UGT1A9: variants seen among roughly 807,000 people sequenced by gnomAD.
UGT1A9 encodes UDP-glucuronosyltransferase 1A9.
A neutral mutation model predicts 45.0 loss-of-function variants in UGT1A9; 35 were observed. That is an observed-to-expected ratio of 0.78 (90% CI 0.59 to 1.03). The LOEUF (loss-of-function observed/expected upper bound fraction) is 1.03. Ranked by LOEUF, UGT1A9 falls within the 50% of genes least tolerant of loss-of-function variation. The pLI is 0.00. For synonymous variants in UGT1A9, 278 were observed against 250.6 expected, an observed-to-expected ratio of 1.11 and a Z score of -1.03; for missense variants, 687 against 666.6, an observed-to-expected ratio of 1.03 and a Z score of -0.34.
intron 1 of UGT1A9, chr2:233,729,385 G>A (rs1328190991): frequency 1.9e-6 from 3 of 1,613,954 alleles, no homozygotes; most frequent in African/African-American, 1.3e-5. Flanking sequence ...GTGGACCCAG[G>A]ATGAATTTGA....
At chr2:233,697,028 C>T (rs2075370702) in intron 1 of UGT1A9, among the ~76,000 whole-genome samples, 2 of 151,876 alleles carry the variant, frequency 1.3e-5, no homozygotes, top group Non-Finnish European at 2.9e-5. Context: ...GATATGGGCC[C>T]GCAGTTTTCT....
intron 1 of UGT1A9, chr2:233,713,556 A>G: frequency 1.2e-6 from 2 of 1,613,994 alleles, no homozygotes; most frequent in South Asian, 1.1e-5. Context: ...ACAGTGTCCA[A>G]ACCCTTCCTC....
chr2:233,682,021 G>C, intron 1 of UGT1A9: 2 of 1,614,150 alleles, frequency 1.2e-6, no homozygotes, highest in Non-Finnish European at 1.7e-6. Flanking sequence ...CAGGGAAGCT[G>C]CTGGTAGTGC....
Position 233,682,613 on chromosome 2 carries a change from A to G in UGT1A9, c.855+9824A>G, listed in dbSNP as rs2074587182. The stretch of plus-strand genomic sequence containing the variant: ...TTTATTTTGCCCCTATTTTTTCAAA[A>G]ATGTCTTAGAAATAGCCTCTGAAAT... On this transcript the variant is annotated intron_variant, in intron 1 of 4. Transcript: ENST00000354728. 1.2e-6 allele frequency: 2 copies of G among 1,613,888 alleles called. No homozygotes were observed. Among genetic ancestry groups the G allele is most frequent in the African/African-American group, 2.7e-5 (2 of 75,030 alleles).
intron 1 of UGT1A9, chr2:233,692,833 A>T: frequency 6.9e-7 from 1 of 1,445,682 alleles, no homozygotes; most frequent in East Asian, 2.5e-5. Context: ...TGTGATTAAA[A>T]TGGTTAAATA....
chr2:233,717,741 G>A (rs1450778461), intron 1 of UGT1A9: 3 of 456,402 alleles, frequency 6.6e-6, no homozygotes, highest in African/African-American at 6.0e-5. Flanking sequence ...TGAGTGCTCA[G>A]GGTCTCCCCC....
At chr2:233,724,269 CGGCTGGCCGGGCGGGG>C (rs2077201800) in intron 1 of UGT1A9, among the ~76,000 whole-genome samples, 1 of 124,806 alleles carries the variant, frequency 8.0e-6, no homozygotes, top group Non-Finnish European at 1.7e-5. Flanking sequence ...CCGGACGGGG[CGGCTGGCCGGGCGGGG>C]GGCTGACCCC....
At chr2:233,720,954 GC>G (rs1192605512) in intron 1 of UGT1A9, among the ~76,000 whole-genome samples, 1 of 149,064 alleles carries the variant, frequency 6.7e-6, no homozygotes, top group Non-Finnish European at 1.5e-5. Flanking sequence ...CATGTGATCT[GC>G]CCGCCTCGGC....
chr2:233,707,658 T>C (rs988714279), intron 1 of UGT1A9, among the ~76,000 whole-genome samples: 2 of 152,184 alleles, frequency 1.3e-5, no homozygotes, highest in South Asian at 4.1e-4. Context: ...ACCACAATTT[T>C]ATTTATCCAT....
chr2:233,703,154 T>C (rs867081835), intron 1 of UGT1A9, among the ~76,000 whole-genome samples: 24 of 152,318 alleles, frequency 1.6e-4, no homozygotes, highest in African/African-American at 4.8e-4. Context: ...ATTTTGTATT[T>C]CTTCTTGATT....
At chr2:233,712,930 G>A in intron 1 of UGT1A9, 1 of 1,612,150 alleles carries the variant, frequency 6.2e-7, no homozygotes, top group Non-Finnish European at 8.5e-7. Flanking sequence ...TTAAGACGAA[G>A]GAAACAATTC....
At chr2:233,702,448 T>G (rs17863787) in intron 1 of UGT1A9, among the ~76,000 whole-genome samples, 44,666 of 152,028 alleles carry the variant, frequency 0.29, 6,753 homozygotes, top group South Asian at 0.36. Flanking sequence ...AGGATAACAT[T>G]TATTTCTTTT....
At chr2:233,682,708 T>G (rs766002261) in intron 1 of UGT1A9, 2 of 1,613,914 alleles carry the variant, frequency 1.2e-6, no homozygotes, top group Admixed American at 3.3e-5. Flanking sequence ...GAACTGACTT[T>G]GTTTTGGAGT....
intron 1 of UGT1A9, among the ~76,000 whole-genome samples, chr2:233,740,501 G>A (rs1478436482): frequency 6.6e-6 from 1 of 151,910 alleles, no homozygotes; most frequent in Non-Finnish European, 1.5e-5. Context: ...GCTTTCCAGT[G>A]TGTGATGTAA....
At chr2:233,765,999 C>T (rs1036845415) in intron 1 of UGT1A9, among the ~76,000 whole-genome samples, 2 of 151,990 alleles carry the variant, frequency 1.3e-5, no homozygotes, top group Non-Finnish European at 1.5e-5. Flanking sequence ...CTCCAGTGGG[C>T]GTGGGTTATG....
intron 1 of UGT1A9, among the ~76,000 whole-genome samples, chr2:233,700,925 G>A (rs2075599676): frequency 6.6e-6 from 1 of 151,226 alleles, no homozygotes; most frequent in Admixed American, 6.6e-5. Context: ...TCCTGTGTCT[G>A]TGTGTGATTG....
intron 1 of UGT1A9, among the ~76,000 whole-genome samples, chr2:233,746,796 G>A (rs1217306288): frequency 1.3e-5 from 2 of 151,816 alleles, no homozygotes; most frequent in Admixed American, 1.3e-4. Flanking sequence ...TAATTCATGA[G>A]CGTGAATGTG....
chr2:233,693,611 A>G (rs1423413232), intron 1 of UGT1A9: 20 of 1,614,080 alleles, frequency 1.2e-5, no homozygotes, highest in Non-Finnish European at 1.4e-5. Flanking sequence ...TTCAGACCAC[A>G]TGACTTTTTC....
chr2:233,705,831 G>A (rs979530051), intron 1 of UGT1A9, among the ~76,000 whole-genome samples: 2 of 152,180 alleles, frequency 1.3e-5, no homozygotes, highest in Non-Finnish European at 2.9e-5. Context: ...CGAGCACAGT[G>A]GCTGGAGCTG....
Sources: gnomAD v4.1 joint callset for allele counts (sites outside exome capture counted in the v4.1 genomes callset) on GRCh38, gnomAD v4.1.1 for gene constraint, MANE v1.5 for transcripts, NCBI Gene and HGNC (gene_info 2026-07-23, HGNC 2026-07-21) for gene names.